PCLO: variants seen among roughly 807,000 people sequenced by gnomAD.
PCLO encodes protein piccolo.
PCLO carries 82 observed loss-of-function variants against 427.5 expected under a neutral mutation model. That is an observed-to-expected ratio of 0.19 (90% CI 0.16 to 0.23). The LOEUF (loss-of-function observed/expected upper bound fraction) is 0.23, where lower values mean the gene tolerates loss of function less well. Among genes scored for constraint, PCLO ranks in the 10% least tolerant of loss-of-function variants. The pLI, the probability that PCLO is intolerant of heterozygous loss-of-function variation, is 1.00. For synonymous variants in PCLO, 2,357 were observed against 2,155.4 expected, an observed-to-expected ratio of 1.09 and a Z score of -2.59; for missense variants, 6,239 against 6,115.9, an observed-to-expected ratio of 1.02 and a Z score of -0.67.
chr7:83,091,343 T>C (rs1584009865), intron 3 of PCLO, among the ~76,000 whole-genome samples: 1 of 152,166 alleles, frequency 6.6e-6, no homozygotes, highest in East Asian at 1.9e-4. Context: ...AAAACAGCTA[T>C]GGAAAATAGA....
chr7:82,971,599 G>T (rs1434221957), intron 3 of PCLO, among the ~76,000 whole-genome samples: 1 of 146,658 alleles, frequency 6.8e-6, no homozygotes, highest in Non-Finnish European at 1.5e-5. Context: ...TAATATATAT[G>T]ATATGATATA....
chr7:82,777,448 C>A (rs1210608555), intron 22 of PCLO, among the ~76,000 whole-genome samples: 2 of 152,068 alleles, frequency 1.3e-5, no homozygotes, highest in African/African-American at 2.4e-5. Flanking sequence ...ATACTCAAGA[C>A]AATCCTAAGC....
Position 82,952,560 on chromosome 7 carries a change from A to G in PCLO, c.8393T>C (p.Val2798Ala). The G allele has an allele frequency of 1.1e-5, 17 of 1,613,952 alleles. No individual in the cohort carries two copies. The highest frequency in any genetic ancestry group is 1.4e-5 in the Non-Finnish European group (17 of 1,179,866). The stretch of plus-strand genomic sequence containing the variant: ...GTAACTTGCACTAGCTGTGCATGTG[A>G]CAAAGGTCACTGTCTCAGTGGCCAG... ...VSLATETVTF[V>A]TCTASASYTT... Residue 2798 changes from valine to alanine, a missense_variant, in exon 5 of 25, where the codon GTC becomes GCC. Around this residue, in one of 5 missense-constraint regions of PCLO, gnomAD observed 4,677 missense variants for 4,468.4 expected, o/e 1.05. Coordinates refer to ENST00000333891, the MANE Select transcript of PCLO (RefSeq NM_033026.6).
At chr7:83,156,772 T>C (rs1319514513) in intron 1 of PCLO, among the ~76,000 whole-genome samples, 2 of 152,096 alleles carry the variant, frequency 1.3e-5, no homozygotes, top group South Asian at 4.1e-4. Context: ...AGAGTCATAT[T>C]ATAAGGCATA....
intron 3 of PCLO, among the ~76,000 whole-genome samples, chr7:83,069,832 C>A (rs1407201604): frequency 7.5e-6 from 1 of 133,728 alleles, no homozygotes; most frequent in African/African-American, 2.8e-5. Flanking sequence ...CACACAAAGA[C>A]TGATGATATA....
intron 3 of PCLO, among the ~76,000 whole-genome samples, chr7:83,062,013 A>G (rs1391381700): frequency 6.6e-6 from 1 of 152,218 alleles, no homozygotes; most frequent in African/African-American, 2.4e-5. Flanking sequence ...ATCAGAATGT[A>G]TATGACATTG....
chr7:82,863,035 T>C (rs1045322158), intron 10 of PCLO, among the ~76,000 whole-genome samples: 1 of 152,070 alleles, frequency 6.6e-6, no homozygotes, highest in Non-Finnish European at 1.5e-5. Context: ...GGATAAATGC[T>C]TGAGGGCATG....
At chr7:82,851,992 A>T (rs760813330) in intron 10 of PCLO, among the ~76,000 whole-genome samples, 1 of 152,100 alleles carries the variant, frequency 6.6e-6, no homozygotes, top group Non-Finnish European at 1.5e-5. Context: ...ATCTATTTAT[A>T]TATTAACATA....
At chr7:83,040,476 C>A (rs927533996) in intron 3 of PCLO, among the ~76,000 whole-genome samples, 1 of 152,078 alleles carries the variant, frequency 6.6e-6, no homozygotes, top group Non-Finnish European at 1.5e-5. Context: ...TAAATTGTTT[C>A]GCAGGCTAAT....
intron 3 of PCLO, among the ~76,000 whole-genome samples, chr7:83,128,151 C>A (rs534662944): frequency 6.6e-6 from 1 of 151,908 alleles, no homozygotes; most frequent in East Asian, 1.9e-4. Flanking sequence ...TTAGAAATAT[C>A]AATTACTATC....
chr7:83,126,129 G>C lies in PCLO; in HGVS notation c.3300+8121C>G, dbSNP rs556471345. Among the ~76,000 whole-genome samples, 28 of 152,226 alleles carry C rather than the reference G, an allele frequency of 1.8e-4. No homozygotes were observed. In the South Asian group the frequency reaches 5.4e-3, roughly 29 times the overall value. ...AAGCAAAATAAGCCAGTCACGGAAA[G>C]ACAAATTTCTTATATTCTCACTCAT... On this transcript the variant is annotated intron_variant, in intron 3 of 24. Coordinates refer to ENST00000333891, the MANE Select transcript of PCLO (RefSeq NM_033026.6).
chr7:83,073,224 T>C (rs1205123050), intron 3 of PCLO, among the ~76,000 whole-genome samples: 1 of 152,050 alleles, frequency 6.6e-6, no homozygotes, highest in African/African-American at 2.4e-5. Context: ...GATGTCAGTT[T>C]ACCCAAACTT....
intron 22 of PCLO, among the ~76,000 whole-genome samples, chr7:82,786,209 A>G (rs1327814084): frequency 6.6e-6 from 1 of 152,190 alleles, no homozygotes; most frequent in East Asian, 1.9e-4. Flanking sequence ...CAATTGCCTA[A>G]CCGTGGAAAT....
At chr7:82,815,316 C>G (rs1037229594) in intron 20 of PCLO, among the ~76,000 whole-genome samples, 4 of 151,850 alleles carry the variant, frequency 2.6e-5, no homozygotes, top group African/African-American at 9.7e-5. Context: ...CATAAAGTAT[C>G]TTTTGTACAT....
rs1795374225 is a variant in PCLO at position 82,952,323 on chromosome 7, A to G, written c.8630T>C (p.Val2877Ala). The G allele has an allele frequency of 2.5e-6, 4 of 1,613,958 alleles. No individual in the cohort carries two copies. Among genetic ancestry groups the G allele is most frequent in the East Asian group, 2.2e-5 (1 of 44,878 alleles). The stretch of plus-strand genomic sequence containing the variant: ...ATCAGTCCATCCATTTGTGACACCA[A>G]CAGGAGGCACAGTGACAGGTTTTGT... ...AITKPVTVPP[V>A]GVTNGWTDST... The change falls in exon 5 of 25, where the codon GTT becomes GCT. Residue 2877 changes from valine (V) to alanine (A), a missense_variant. Val to Ala is a moderately conservative substitution (Grantham distance 64). Coordinates refer to ENST00000333891, the MANE Select transcript of PCLO (RefSeq NM_033026.6).
intron 6 of PCLO, among the ~76,000 whole-genome samples, chr7:82,933,891 T>C (rs969957386): frequency 6.6e-6 from 1 of 151,956 alleles, no homozygotes; most frequent in African/African-American, 2.4e-5. Flanking sequence ...TGCCTTAAGA[T>C]TACTCAGAGA....
intron 24 of PCLO, 80 bp from the exon 25 acceptor site, chr7:82,758,795 A>T (rs1374676548): frequency 2.4e-6 from 2 of 825,842 alleles, no homozygotes; most frequent in Non-Finnish European, 3.8e-6. Flanking sequence ...TTTTAAGGAC[A>T]TTTAATCATC....
intron 3 of PCLO, among the ~76,000 whole-genome samples, chr7:83,042,144 A>G (rs572854096): frequency 3.8e-4 from 58 of 152,234 alleles, no homozygotes; most frequent in African/African-American, 1.2e-3. Flanking sequence ...CAAGGTTAAT[A>G]ATATTATTTT....
intron 2 of PCLO, among the ~76,000 whole-genome samples, chr7:83,138,344 A>T (rs536173445): frequency 6.6e-6 from 1 of 152,288 alleles, no homozygotes; most frequent in Non-Finnish European, 1.5e-5. Context: ...ACCTTCTATA[A>T]GGCAAATACC....
Sources: allele counts gnomAD v4.1 joint callset (sites outside exome capture counted in the v4.1 genomes callset), GRCh38; gene constraint gnomAD v4.1.1; regional missense constraint gnomAD v4.1.1; transcripts MANE v1.5; gene names NCBI Gene and HGNC (gene_info 2026-07-23, HGNC 2026-07-21).